The following ZNF675 variants were observed in gnomAD, a reference collection of about 807,000 sequenced individuals.
The protein encoded by ZNF675 is TRAF6 inhibitory zinc finger.
A neutral mutation model predicts 56.1 loss-of-function variants in ZNF675; 36 were observed. The observed-to-expected ratio is 0.64, with a 90% CI of 0.49 to 0.85. ZNF675 has a LOEUF of 0.85. ZNF675 is among the 40% of genes least tolerant of loss of function. The probability of loss-of-function intolerance (pLI) is 0.00; values close to 1 mark genes in which losing one functional copy is unlikely to be tolerated. For missense variants in ZNF675, 663 were observed against 654.2 expected (o/e 1.01, Z -0.15); for synonymous variants, 200 against 218.9 (o/e 0.91, Z 0.76).
At chr19:23,658,977 C>CTA (rs1345661565) in intron 3 of ZNF675, among the ~76,000 whole-genome samples, 1 of 111,442 alleles carries the variant, frequency 9.0e-6, no homozygotes, top group African/African-American at 3.6e-5. Flanking sequence ...AGATATAGAT[C>CTA]TAGAGATAGA....
chr19:23,658,002 C>A (rs1481260328), intron 3 of ZNF675, among the ~76,000 whole-genome samples: 1 of 152,008 alleles, frequency 6.6e-6, no homozygotes, highest in Non-Finnish European at 1.5e-5. Flanking sequence ...TATGGAATGG[C>A]AAAACCATAG....
At chr19:23,677,433 C>T (rs989859450) in intron 1 of ZNF675, among the ~76,000 whole-genome samples, 4 of 151,680 alleles carry the variant, frequency 2.6e-5, no homozygotes, top group Non-Finnish European at 5.9e-5. Context: ...TAGCTGGGCA[C>T]GGTGGCTCAC....
At chr19:23,667,346 C>T (rs1968166232) in intron 1 of ZNF675, among the ~76,000 whole-genome samples, 1 of 152,100 alleles carries the variant, frequency 6.6e-6, no homozygotes, top group Admixed American at 6.6e-5. Flanking sequence ...AAAGCTTCCA[C>T]ACTGTGGAAG....
chr19:23,665,679 A>G (rs1323192560), intron 1 of ZNF675, among the ~76,000 whole-genome samples: 1 of 152,100 alleles, frequency 6.6e-6, no homozygotes, highest in Non-Finnish European at 1.5e-5. Flanking sequence ...GTGTATTTTA[A>G]GTAGAGGCAG....
intron 3 of ZNF675, 187 bp downstream of exon 3, chr19:23,661,927 C>A (rs1353883194): frequency 5.9e-6 from 3 of 507,060 alleles, no homozygotes; most frequent in African/African-American, 3.9e-5. Context: ...TAAACAGAAA[C>A]CTTAGAGAAT....
intron 1 of ZNF675, among the ~76,000 whole-genome samples, chr19:23,668,937 G>GTC (rs911895598): frequency 6.6e-6 from 1 of 152,174 alleles, no homozygotes; most frequent in African/African-American, 2.4e-5. Flanking sequence ...AGCTGAGGGA[G>GTC]TCGGCTCCGG....
chr19:23,676,655 T>A (rs1428571056), intron 1 of ZNF675, among the ~76,000 whole-genome samples: 1 of 151,826 alleles, frequency 6.6e-6, no homozygotes, highest in Non-Finnish European at 1.5e-5. Context: ...AAATTTAACA[T>A]CCTTCATGTT....
chr19:23,654,940 C>T (rs1342089562), intron 3 of ZNF675: 2 of 359,678 alleles, frequency 5.6e-6, no homozygotes, highest in East Asian at 4.2e-5. Flanking sequence ...ATAATGTTTT[C>T]AGAAGTAAAT....
chr19:23,660,198 C>T (rs867040860), intron 3 of ZNF675, among the ~76,000 whole-genome samples: 11 of 152,206 alleles, frequency 7.2e-5, no homozygotes, highest in Admixed American at 2.0e-4. Flanking sequence ...CTACAACCCC[C>T]TCTCCACTAC....
intron 3 of ZNF675, chr19:23,656,052 T>C (rs1389473029): frequency 9.0e-5 from 2 of 22,122 alleles, no homozygotes; most frequent in Admixed American, 4.3e-4. Flanking sequence ...GTGGAGCCAC[T>C]GCACTCCAGC....
intron 3 of ZNF675, chr19:23,655,438 T>C (rs55848258): frequency 0.016 from 2,398 of 151,608 alleles, 23 homozygotes; most frequent in Non-Finnish European, 0.025. Flanking sequence ...ACTGGACACA[T>C]CACATGGTAA....
intron 3 of ZNF675, among the ~76,000 whole-genome samples, chr19:23,661,299 C>T (rs948688145): frequency 1.3e-5 from 2 of 152,070 alleles, no homozygotes; most frequent in African/African-American, 4.8e-5. Flanking sequence ...GCGTGAGCCA[C>T]CGTGCCTGGC....
chr19:23,683,989 T>C (rs1464352523), intron 1 of ZNF675, among the ~76,000 whole-genome samples: 2 of 151,902 alleles, frequency 1.3e-5, no homozygotes, highest in African/African-American at 4.8e-5. Context: ...TGACTGGGCG[T>C]GGTGGCTCAC....
At chr19:23,656,777 CTTAA>C (rs59092358) in intron 3 of ZNF675, 147,815 of 152,142 alleles carry the variant, frequency 0.97, 71,971 homozygotes, top group Middle Eastern at 1. Context: ...TGTGAGATAT[CTTAA>C]TTAGTCACAC....
Position 23,653,380 on chromosome 19 carries a change from C to G in ZNF675, c.1553G>C (p.Ser518Thr). ...ATGTTCAGTAAGTTTTGAGGATCGG[C>G]TAAAAGCTTTGCCACATTCTTCACA... The part of the protein sequence containing the change: ...YKCEECGKAF[S>T]RSSKLTEHKI... The change falls in exon 4 of 4, where the codon AGC becomes ACC. Residue 518 changes from serine (S) to threonine (T), a missense_variant. Ser to Thr is a moderately conservative substitution (Grantham distance 58). Transcript: ENST00000359788. 2 of 1,612,222 alleles carry G rather than the reference C, an allele frequency of 1.2e-6. No homozygotes were observed. The highest frequency in any genetic ancestry group is 1.7e-6 in the Non-Finnish European group (2 of 1,179,478).
chr19:23,687,053 C>T lies in ZNF675; in HGVS notation c.-20G>A, dbSNP rs745675759. On this transcript the variant is annotated 5_prime_UTR_variant, in exon 1 of 4. Coordinates refer to ENST00000359788, the MANE Select transcript of ZNF675 (RefSeq NM_138330.3). ...CACCATTTCTAGGCTTCCAGGGGGT[C>T]CTGGAGTCTTAGCTGTGGATCTCTC... The T allele has an allele frequency of 1.2e-6, 2 of 1,613,550 alleles. No homozygotes were observed. Among genetic ancestry groups the T allele is most frequent in the East Asian group, 2.2e-5 (1 of 44,840 alleles).
rs4932882 is a variant in ZNF675, at chr19:23,660,688, G to T, written c.226+1426C>A. 9.0e-3 allele frequency among the ~76,000 whole-genome samples: 1,375 copies of T among 152,148 alleles called. 72 individuals are homozygous for T. Among genetic ancestry groups the T allele is most frequent in the Admixed American group, 0.074 (1,123 of 15,274 alleles). ...TGAGAGATATCAGTGAAAGATATTA[G>T]AAAAGACATAAATAAACTTGAAAAT... On this transcript the variant is annotated intron_variant, in intron 3 of 3. Coordinates refer to ENST00000359788, the MANE Select transcript of ZNF675 (RefSeq NM_138330.3).
At chr19:23,668,847 A>C (rs1363819672) in intron 1 of ZNF675, among the ~76,000 whole-genome samples, 1 of 152,030 alleles carries the variant, frequency 6.6e-6, no homozygotes, top group Non-Finnish European at 1.5e-5. Flanking sequence ...GCCCACGCCC[A>C]CCCGGAACTC....
rs1416572243 is a variant in ZNF675 at position 23,652,921 on chromosome 19, TTTTA to T, written c.*301_*304del. The stretch of plus-strand genomic sequence containing the variant: ...TAGACAGTAATTGCATTTATAATGC[TTTTA>T]TTAAGTACCAACATTCTGATATTAA... On this transcript the variant is annotated 3_prime_UTR_variant, in exon 4 of 4. Transcript: ENST00000359788. 2 of 213,488 alleles carry T rather than the reference TTTTA, an allele frequency of 9.4e-6. No individual in the cohort carries two copies. The highest frequency in any genetic ancestry group is 1.0e-4 in the Admixed American group (2 of 19,626). The allele number at this position is 213,488 out of a possible 1,614,324, so 13.2% of individuals were successfully genotyped here.
Sources: allele counts gnomAD v4.1 joint callset (sites outside exome capture counted in the v4.1 genomes callset), GRCh38; gene constraint gnomAD v4.1.1; transcripts MANE v1.5; gene names NCBI Gene and HGNC (gene_info 2026-07-23, HGNC 2026-07-21).